Variants in EPSTI1 observed in about 807,000 individuals in gnomAD.
EPSTI1 encodes the protein epithelial-stromal interaction protein 1.
Under a neutral mutation model 49.9 loss-of-function variants are expected in EPSTI1, and 66 were observed. The ratio of observed to expected loss-of-function variants is 1.32; its 90% confidence interval spans 1.08 to 1.62. EPSTI1 has a LOEUF of 1.62. EPSTI1 is among the 40% of genes most tolerant of loss of function. The pLI is 0.00. For synonymous variants in EPSTI1, 137 were observed against 130.7 expected, an observed-to-expected ratio of 1.05 and a Z score of -0.33; for missense variants, 394 against 365.5, an observed-to-expected ratio of 1.08 and a Z score of -0.64.
intron 8 of EPSTI1, among the ~76,000 whole-genome samples, chr13:42,905,997 T>C (rs550415422): frequency 2.0e-5 from 3 of 152,256 alleles, no homozygotes; most frequent in East Asian, 1.9e-4. Context: ...ATCCTAGAGA[T>C]TGAAAGTATG....
chr13:42,931,124 A>G (rs2038349650), intron 6 of EPSTI1, among the ~76,000 whole-genome samples: 1 of 146,728 alleles, frequency 6.8e-6, no homozygotes, highest in Non-Finnish European at 1.5e-5. Flanking sequence ...CTTCTATCTG[A>G]TGATGGTATC....
intron 3 of EPSTI1, among the ~76,000 whole-genome samples, chr13:42,965,635 C>T (rs1458364997): frequency 6.6e-6 from 1 of 151,778 alleles, no homozygotes; most frequent in African/African-American, 2.4e-5. Context: ...AATCTTCACA[C>T]CAGATGAGCA....
chr13:42,967,512 A>G (rs2153432497), intron 3 of EPSTI1, among the ~76,000 whole-genome samples: 1 of 152,356 alleles, frequency 6.6e-6, no homozygotes, highest in Middle Eastern at 3.4e-3. Context: ...TATTTCCTGT[A>G]CTTTTAATGT....
rs1252593147 is a variant in EPSTI1, at chr13:42,966,513, C to A, written c.332-2374G>T. ...GGTGAGGAGCGTCTCTGCCCGGCCG[C>A]CCCGTCTGAGAAGTGAGGAGACCCT... On this transcript the variant is annotated intron_variant, in intron 3 of 10. Transcript: ENST00000313624. Among the ~76,000 whole-genome samples, 4 of 44,206 alleles carry A rather than the reference C, an allele frequency of 9.0e-5. 1 individual carries two copies. In the Admixed American group the frequency reaches 1.1e-3, roughly 12 times the overall value. The allele number at this position is 44,206 out of a possible 152,430, so 29.0% of individuals were successfully genotyped here.
chr13:42,930,886 T>TG, intron 6 of EPSTI1, among the ~76,000 whole-genome samples: 1 of 152,326 alleles, frequency 6.6e-6, no homozygotes, highest in Non-Finnish European at 1.5e-5. Flanking sequence ...TGGTTTACTT[T>TG]GGGGGAGGAT....
intron 6 of EPSTI1, chr13:42,934,740 GC>G: frequency 5.5e-6 from 1 of 181,966 alleles, no homozygotes; most frequent in Non-Finnish European, 1.2e-5. Flanking sequence ...AGGTGACTGG[GC>G]CCCATGCCAG....
chr13:42,985,155 G>A (rs2040054841), intron 1 of EPSTI1, among the ~76,000 whole-genome samples: 1 of 152,132 alleles, frequency 6.6e-6, no homozygotes, highest in Non-Finnish European at 1.5e-5. Context: ...AGTGAGAGAG[G>A]CCCTCCCAAA....
intron 5 of EPSTI1, among the ~76,000 whole-genome samples, chr13:42,960,076 G>A (rs890135646): frequency 6.6e-6 from 1 of 152,046 alleles, no homozygotes; most frequent in African/African-American, 2.4e-5. Context: ...TAGGATTTTG[G>A]TATCCATTGT....
chr13:42,986,744 CAAAAAAAAAA>C (rs71099813), intron 1 of EPSTI1, among the ~76,000 whole-genome samples: 8 of 80,806 alleles, frequency 9.9e-5, no homozygotes, highest in African/African-American at 3.8e-4. Flanking sequence ...GATTCCATCT[CAAAAAAAAAA>C]AAAAAAAAAA....
chr13:42,963,323 A>G lies in EPSTI1; in HGVS notation c.421T>C (p.Ser141Pro), dbSNP rs758773681. 5.0e-6 allele frequency: 8 copies of G among 1,612,012 alleles called. No homozygotes were observed. Among genetic ancestry groups the G allele is most frequent in the Non-Finnish European group, 6.8e-6 (8 of 1,179,458 alleles). The part of the protein sequence containing the change: ...KYKQKLKREE[S>P]VRIKKEAEEA... ...TCAGCTTCCTTCTTGATTCTTACAGATTCTTCTCTTTTTAGCTAAATTGTA... is the reference window on the plus strand; with the variant it reads ...TCAGCTTCCTTCTTGATTCTTACAGGTTCTTCTCTTTTTAGCTAAATTGTA... Residue 141 changes from serine (S) to proline (P), a missense_variant, in exon 5 of 11, where the codon TCT becomes CCT. By Grantham distance (74) the Ser-to-Pro change is moderately conservative (BLOSUM62 -1). Coordinates refer to ENST00000313624, the MANE Select transcript of EPSTI1 (RefSeq NM_033255.5).
At chr13:42,942,185 CTT>C (rs757118070) in intron 6 of EPSTI1, among the ~76,000 whole-genome samples, 8 of 152,154 alleles carry the variant, frequency 5.3e-5, no homozygotes, top group Non-Finnish European at 8.8e-5. Flanking sequence ...ACGTGTATAA[CTT>C]TGTTTTCAAC....
intron 5 of EPSTI1, among the ~76,000 whole-genome samples, chr13:42,955,539 C>T (rs575601159): frequency 2.6e-5 from 4 of 152,262 alleles, no homozygotes; most frequent in Non-Finnish European, 4.4e-5. Context: ...CGGTGACTCA[C>T]GCCTGTAATC....
intron 3 of EPSTI1, 79 bp downstream of exon 3, chr13:42,969,015 A>T: frequency 7.3e-7 from 1 of 1,368,122 alleles, no homozygotes; most frequent in Non-Finnish European, 1.0e-6. Context: ...ACATTCACAG[A>T]CAGACATATG....
intron 8 of EPSTI1, among the ~76,000 whole-genome samples, chr13:42,910,048 T>C (rs548162135): frequency 2.0e-5 from 3 of 152,292 alleles, no homozygotes; most frequent in African/African-American, 7.2e-5. Context: ...AATATCATAT[T>C]GAACATTATA....
At chr13:42,890,776 C>T (rs1445811216) in intron 10 of EPSTI1, among the ~76,000 whole-genome samples, 2 of 151,902 alleles carry the variant, frequency 1.3e-5, no homozygotes, top group Non-Finnish European at 2.9e-5. Context: ...GGATTTTCTA[C>T]GTAAATAATT....
Position 42,917,528 on chromosome 13 carries a change from G to A in EPSTI1, c.741+13C>T. The A allele has an allele frequency of 6.3e-7, 1 of 1,598,618 alleles. No individual in the cohort carries two copies. Among genetic ancestry groups the A allele is most frequent in the Non-Finnish European group, 8.5e-7 (1 of 1,169,696 alleles). The stretch of plus-strand genomic sequence containing the variant: ...TAAACAGTTAGCAATAACTAGTAGG[G>A]GCTTGTAAGTACCTTTTGATGTTGT... On this transcript the variant is annotated intron_variant, in intron 8 of 10. Transcript: ENST00000313624.
intron 1 of EPSTI1, among the ~76,000 whole-genome samples, chr13:42,974,499 T>C (rs2039838094): frequency 1.2e-5 from 1 of 86,690 alleles, no homozygotes; most frequent in African/African-American, 4.4e-5. Context: ...CTACTAAAAA[T>C]ACAAAAAAAA....
At chr13:42,953,663 G>A (rs915814341) in intron 6 of EPSTI1, among the ~76,000 whole-genome samples, 13 of 152,186 alleles carry the variant, frequency 8.5e-5, no homozygotes, top group African/African-American at 2.9e-4. Context: ...TATCCTGGAC[G>A]TCAACATGAG....
chr13:42,945,343 C>T (rs768306965), intron 6 of EPSTI1, among the ~76,000 whole-genome samples: 9 of 152,280 alleles, frequency 5.9e-5, no homozygotes, highest in Middle Eastern at 3.4e-3. Flanking sequence ...CAATTACCTC[C>T]GGCCAGGTCC....
Sources: allele counts gnomAD v4.1 joint callset (sites outside exome capture counted in the v4.1 genomes callset), GRCh38; gene constraint gnomAD v4.1.1; transcripts MANE v1.5; gene names NCBI Gene and HGNC (gene_info 2026-07-23, HGNC 2026-07-21).